GRB2: variants seen among roughly 807,000 people sequenced by gnomAD.
GRB2 encodes the protein growth factor receptor bound protein 2.
Under a neutral mutation model 27.4 loss-of-function variants are expected in GRB2, and 2 were observed. That is an observed-to-expected ratio of 0.07 (90% CI 0.03 to 0.23). The LOEUF (loss-of-function observed/expected upper bound fraction) is 0.23, where lower values mean the gene tolerates loss of function less well. GRB2 is among the 10% of genes least tolerant of loss of function. The probability of loss-of-function intolerance (pLI) is 1.00; values close to 1 mark genes in which losing one functional copy is unlikely to be tolerated. For missense variants in GRB2, 102 were observed against 282.4 expected (o/e 0.36, Z 4.58); for synonymous variants, 94 against 99.6 (o/e 0.94, Z 0.33).
intron 4 of GRB2, among the ~76,000 whole-genome samples, chr17:75,323,848 C>T (rs1252362947): frequency 6.6e-6 from 1 of 150,802 alleles, no homozygotes; most frequent in Non-Finnish European, 1.5e-5. Flanking sequence ...CTTGCTCTTT[C>T]ACCCAGGCTG....
intron 1 of GRB2, among the ~76,000 whole-genome samples, chr17:75,402,936 G>C (rs529543316): frequency 6.6e-6 from 1 of 151,550 alleles, no homozygotes; most frequent in Non-Finnish European, 1.5e-5. Flanking sequence ...TTAGCCAGGC[G>C]TGGTGGTGCA....
At chr17:75,344,435 C>A (rs946443536) in intron 2 of GRB2, 4 of 148,410 alleles carry the variant, frequency 2.7e-5, no homozygotes, top group African/African-American at 9.9e-5. Context: ...TTTTGTTGCC[C>A]AGGCTGGAGT....
At chr17:75,404,851 AG>A in intron 1 of GRB2, 1 of 152,322 alleles carries the variant, frequency 6.6e-6, no homozygotes, top group East Asian at 1.9e-4. Context: ...AATCATAGAG[AG>A]GGCGCGCTGC....
chr17:75,388,195 C>A (rs143311603), intron 2 of GRB2, among the ~76,000 whole-genome samples: 1 of 152,050 alleles, frequency 6.6e-6, no homozygotes, highest in Non-Finnish European at 1.5e-5. Flanking sequence ...ATCCCGGGTT[C>A]AAGCGATTCT....
intron 2 of GRB2, among the ~76,000 whole-genome samples, chr17:75,367,459 G>A (rs1022746696): frequency 6.6e-6 from 1 of 152,180 alleles, no homozygotes; most frequent in East Asian, 1.9e-4. Flanking sequence ...TTAGAGGCAT[G>A]AGCCACTGAG....
intron 2 of GRB2, among the ~76,000 whole-genome samples, chr17:75,347,338 C>CCT (rs2078661993): frequency 1.3e-5 from 2 of 152,182 alleles, no homozygotes; most frequent in South Asian, 4.1e-4. Context: ...GGTAGGCTTT[C>CCT]CTCTGATTGA....
Position 75,349,997 on chromosome 17 carries a change from C to T in GRB2, c.79-17200G>A, listed in dbSNP as rs1238658117. On this transcript the variant is annotated intron_variant, in intron 2 of 5. Coordinates refer to ENST00000316804, the MANE Select transcript of GRB2 (RefSeq NM_002086.5). ...TGTATTAAAGATCTAATGTTCATAC[C>T]TATTAACCCAGTAATGCCATTCTTA... 2.0e-5 allele frequency among the ~76,000 whole-genome samples: 3 copies of T among 151,310 alleles called. No individual in the cohort carries two copies. The East Asian group carries it at 5.8e-4, about 29-fold the overall frequency.
At chr17:75,362,933 G>C (rs2078794388) in intron 2 of GRB2, among the ~76,000 whole-genome samples, 1 of 152,170 alleles carries the variant, frequency 6.6e-6, no homozygotes, top group Admixed American at 6.5e-5. Context: ...GGAAGGAAGA[G>C]GGCTAAGCCT....
intron 2 of GRB2, among the ~76,000 whole-genome samples, chr17:75,358,254 C>T (rs1333220729): frequency 6.6e-6 from 1 of 151,932 alleles, no homozygotes; most frequent in Non-Finnish European, 1.5e-5. Context: ...TGGCCACAAG[C>T]CCTGTTAAAA....
At chr17:75,352,522 G>C (rs1028681526) in intron 2 of GRB2, among the ~76,000 whole-genome samples, 1 of 152,192 alleles carries the variant, frequency 6.6e-6, no homozygotes, top group African/African-American at 2.4e-5. Context: ...TCAGGCCCCA[G>C]TACCAACAGA....
In GRB2 at chr17:75,380,374, T is replaced by C. The variant is rs149181587; in HGVS notation, c.78+13177A>G. 7.2e-3 allele frequency among the ~76,000 whole-genome samples: 1,074 copies of C among 150,098 alleles called. 18 individuals are homozygous for C. The highest frequency in any genetic ancestry group is 0.024 in the African/African-American group (977 of 41,182). On this transcript the variant is annotated intron_variant, in intron 2 of 5. Transcript: ENST00000316804. Reference sequence around the variant, plus strand: ...AAAAAAAAAAAAACTATTATAGAAATGCACCATATAGAAAGTTAAAGTTCT... The same window carrying C: ...AAAAAAAAAAAAACTATTATAGAAACGCACCATATAGAAAGTTAAAGTTCT...
intron 2 of GRB2, chr17:75,373,708 C>T (rs1239032240): frequency 1.3e-5 from 2 of 151,106 alleles, no homozygotes; most frequent in Non-Finnish European, 2.9e-5. Context: ...ATCTTTAATT[C>T]TGCTTAGTAT....
In GRB2 at chr17:75,386,631, G is replaced by C. The variant is rs115670619; in HGVS notation, c.78+6920C>G. The stretch of plus-strand genomic sequence containing the variant: ...AAAATGACAAACTTACTCTAGACAG[G>C]AAGTCCAATAAATCACTCATGGAAG... On this transcript the variant is annotated intron_variant, in intron 2 of 5. Transcript: ENST00000316804. Among the ~76,000 whole-genome samples, 817 of 152,248 alleles carry C rather than the reference G, an allele frequency of 5.4e-3. 5 individuals are homozygous for C. Among genetic ancestry groups the C allele is most frequent in the African/African-American group, 0.019 (775 of 41,534 alleles).
chr17:75,326,098 AC>A, intron 3 of GRB2, 78 bp from the exon 4 acceptor site: 1 of 1,532,710 alleles, frequency 6.5e-7, no homozygotes, highest in Non-Finnish European at 9.0e-7. Context: ...AATGTGAGTA[AC>A]ACAACACTCC....
chr17:75,385,680 C>G (rs1441873000), intron 2 of GRB2, among the ~76,000 whole-genome samples: 4 of 152,184 alleles, frequency 2.6e-5, no homozygotes, highest in African/African-American at 9.7e-5. Flanking sequence ...GGGATAACAG[C>G]ATCTGCCTTT....
chr17:75,339,826 G>A (rs1241402868), intron 2 of GRB2, among the ~76,000 whole-genome samples: 1 of 151,764 alleles, frequency 6.6e-6, no homozygotes, highest in Non-Finnish European at 1.5e-5. Flanking sequence ...ATGGAGTTTC[G>A]CCATGTTGGC....
intron 2 of GRB2, among the ~76,000 whole-genome samples, chr17:75,388,249 C>T (rs752423577): frequency 2.0e-5 from 3 of 151,774 alleles, no homozygotes; most frequent in Admixed American, 1.3e-4. Flanking sequence ...GGTACGCACG[C>T]GCACCACCGG....
chr17:75,381,572 T>A (rs1326341351), intron 2 of GRB2, among the ~76,000 whole-genome samples: 2 of 149,334 alleles, frequency 1.3e-5, no homozygotes, highest in African/African-American at 4.9e-5. Flanking sequence ...AAAAAAAAAA[T>A]TAGCCAGGCA....
At chr17:75,338,699 CAA>C (rs2078598526) in intron 2 of GRB2, 1 of 434,674 alleles carries the variant, frequency 2.3e-6, no homozygotes, top group South Asian at 2.4e-5. Context: ...TTTTTTTTTG[CAA>C]AGAGACTGAA....
Sources: allele counts gnomAD v4.1 joint callset (sites outside exome capture counted in the v4.1 genomes callset), GRCh38; gene constraint gnomAD v4.1.1; transcripts MANE v1.5; gene names NCBI Gene and HGNC (gene_info 2026-07-23, HGNC 2026-07-21).